The following MTHFD2 variants were observed in gnomAD, a reference collection of about 807,000 sequenced individuals.
MTHFD2 encodes the protein bifunctional methylenetetrahydrofolate dehydrogenase/cyclohydrolase, mitochondrial.
In MTHFD2, 26 loss-of-function variants were observed where a neutral mutation model predicts 36.8. The ratio of observed to expected loss-of-function variants is 0.71; its 90% CI spans 0.52 to 0.98. The LOEUF is 0.98. MTHFD2 is among the 50% of genes least tolerant of loss of function. MTHFD2 has a pLI of 0.00. For synonymous variants in MTHFD2, 164 were observed against 155.2 expected (o/e 1.06, Z -0.42); for missense variants, 373 against 434.0 (o/e 0.86, Z 1.25).
chr2:74,198,678 C>A lies in MTHFD2; in HGVS notation c.37C>A (p.Arg13=), dbSNP rs544541606. 1,015 of 1,611,224 alleles carry A rather than the reference C, an allele frequency of 6.3e-4. 6 individuals carry two copies. The highest frequency in any genetic ancestry group is 2.5e-4 in the Non-Finnish European group (295 of 1,178,952). Residue 13 remains arginine (R), a synonymous_variant, in exon 1 of 8, where the codon CGG becomes AGG. Coordinates refer to ENST00000394053, the MANE Select transcript of MTHFD2 (RefSeq NM_006636.4). ...TTCTCTAATGTCTGCTTTGGCTGCCCGGCTGCTGCAGCCCGCGCACAGCTG... is the reference window on the plus strand; with the variant it reads ...TTCTCTAATGTCTGCTTTGGCTGCCAGGCTGCTGCAGCCCGCGCACAGCTG... ...ATSLMSALAA[R]LLQPAHSCSL...
chr2:74,206,058 C>T (rs1030854505), intron 2 of MTHFD2, 169 bp downstream of exon 2: 14 of 643,210 alleles, frequency 2.2e-5, no homozygotes, highest in African/African-American at 5.5e-5. Flanking sequence ...CTATATCTTT[C>T]GGGGTTTATA....
intron 2 of MTHFD2, 57 bp downstream of exon 2, chr2:74,205,946 G>T (rs748112744): frequency 1.4e-5 from 21 of 1,524,444 alleles, no homozygotes; most frequent in Non-Finnish European, 1.9e-5. Context: ...ATGAGGCAAA[G>T]TCCATTCTAA....
intron 7 of MTHFD2, among the ~76,000 whole-genome samples, chr2:74,212,263 C>CTTTTTTTTT (rs398042480): frequency 8.4e-5 from 3 of 35,696 alleles, no homozygotes; most frequent in African/African-American, 4.1e-4. Flanking sequence ...GTTTCTTTCT[C>CTTTTTTTTT]TTTTTTTTTT....
intron 1 of MTHFD2, among the ~76,000 whole-genome samples, chr2:74,205,027 G>A (rs1344962693): frequency 6.6e-6 from 1 of 152,090 alleles, no homozygotes; most frequent in Non-Finnish European, 1.5e-5. Context: ...GGTTTCATGT[G>A]TTGGCCAGGC....
intron 1 of MTHFD2, 98 bp downstream of exon 1, chr2:74,198,840 C>A: frequency 1.8e-6 from 2 of 1,129,956 alleles, no homozygotes; most frequent in Non-Finnish European, 2.5e-6. Flanking sequence ...GAAGTCCTTC[C>A]CGAACATCTC....
chr2:74,214,409 G>A lies in MTHFD2; in HGVS notation c.*167G>A, dbSNP rs572137065. 8.8e-5 allele frequency: 57 copies of A among 650,184 alleles called. No individual in the cohort carries two copies. The highest frequency in any genetic ancestry group is 8.3e-4 in the African/African-American group (45 of 54,216). 40.3% of individuals were successfully genotyped at this position (650,184 alleles called of 1,614,324 possible). A position where few individuals can be genotyped will look rare whatever the true frequency, so the allele number is the denominator to read the frequency against. ...GGGTGTTTCTGCACATACCTCTGCA[G>A]TACCTCACCAGGGAGCATTCCAGTA... On this transcript the variant is annotated 3_prime_UTR_variant, in exon 8 of 8. Transcript: ENST00000394053.
At position 74,198,721 on chromosome 2, in the gene MTHFD2, C is replaced by T. The variant is rs1339742323; in HGVS notation, c.80C>T (p.Pro27Leu). ...CACAGCTGCTCCCTTCGCCTTCGCC[C>T]TTTCCACCTCGCGGCAGTTCGGTAA... ...PAHSCSLRLR[P>L]FHLAAVRNEA... Residue 27 changes from proline to leucine, a missense_variant, in exon 1 of 8, where the codon CCT becomes CTT. Physicochemically the swap from Pro to Leu is moderately conservative, Grantham distance 98 (BLOSUM62 -3). Around this residue, in one of 2 missense-constraint regions of MTHFD2, gnomAD observed 65 missense variants for 36.1 expected, o/e 1.80. Transcript: ENST00000394053. 6.8e-6 allele frequency: 11 copies of T among 1,610,604 alleles called. No homozygotes were observed. The highest frequency in any genetic ancestry group is 9.3e-6 in the Non-Finnish European group (11 of 1,178,806).
At chr2:74,213,932 CA>C (rs1487247921) in intron 7 of MTHFD2, 146 bp from the exon 8 acceptor site, 23 of 793,674 alleles carry the variant, frequency 2.9e-5, no homozygotes, top group Non-Finnish European at 4.5e-5. Context: ...AGTGTGTTCA[CA>C]AAACCTTGAA....
chr2:74,205,218 G>T (rs1044982641), intron 1 of MTHFD2, among the ~76,000 whole-genome samples: 1 of 152,200 alleles, frequency 6.6e-6, no homozygotes, highest in Non-Finnish European at 1.5e-5. Context: ...TGAAATACAT[G>T]CCTGGCTGCT....
rs1694161913 is a variant in MTHFD2 at position 74,205,762 on chromosome 2, G to A, written c.159G>A (p.Val53=). 3 of 1,613,816 alleles carry A rather than the reference G, an allele frequency of 1.9e-6. No homozygotes were observed. The highest frequency in any genetic ancestry group is 2.5e-6 in the Non-Finnish European group (3 of 1,179,986). The change falls in exon 2 of 8, where the codon GTG becomes GTA. Residue 53 remains valine, a synonymous_variant. Coordinates refer to ENST00000394053, the MANE Select transcript of MTHFD2 (RefSeq NM_006636.4). ...RKLAQQIKQE[V]RQEVEEWVAS... is the part of the protein sequence containing the mutation. ...TGGCCCAGCAGATCAAGCAGGAAGT[G>A]CGGCAGGAGGTAGAAGAGTGGGTGG...
At chr2:74,204,766 C>T (rs780840629) in intron 1 of MTHFD2, among the ~76,000 whole-genome samples, 2 of 152,304 alleles carry the variant, frequency 1.3e-5, no homozygotes, top group Non-Finnish European at 2.9e-5. Context: ...AAGTCTTCCC[C>T]AGAAGGGACT....
chr2:74,210,058 A>G lies in MTHFD2; in HGVS notation c.670+9A>G. ...GCATGAACGTCCCGGAGGTAAGGAA[A>G]TTGCTTTCAGGGAACACTGTCCTTT... On this transcript the variant is annotated intron_variant, in intron 5 of 7. Transcript: ENST00000394053. 2 of 1,608,410 alleles carry G rather than the reference A, an allele frequency of 1.2e-6. No homozygotes were observed. The highest frequency in any genetic ancestry group is 2.7e-5 in the African/African-American group (2 of 74,862).
chr2:74,217,543 T>C lies in MTHFD2; in HGVS notation c.*3301T>C, dbSNP rs1430300719. 6.6e-6 allele frequency: 1 copy of C among 152,220 alleles called. No homozygotes were observed. The highest frequency in any genetic ancestry group is 2.4e-5 in the African/African-American group (1 of 41,464). The allele number at this position is 152,220 out of a possible 1,614,324, so 9.4% of individuals were successfully genotyped here. On this transcript the variant is annotated 3_prime_UTR_variant, in exon 8 of 8. Transcript: ENST00000394053. ...GGAGTTTGACTTTGGGAATAAACAT[T>C]GAAAATTTGCAGGGAGGACCCACCC... is the stretch of plus-strand genomic sequence containing the variant.
chr2:74,201,190 G>A (rs1694035022), intron 1 of MTHFD2, among the ~76,000 whole-genome samples: 1 of 151,914 alleles, frequency 6.6e-6, no homozygotes, highest in South Asian at 2.1e-4. Flanking sequence ...GTTTCACCAT[G>A]TTGGCCAGGC....
rs1304824192 is a variant in MTHFD2 at position 74,215,013 on chromosome 2, A to T, written c.*771A>T. 6.6e-6 allele frequency: 1 copy of T among 152,604 alleles called. No individual in the cohort carries two copies. The highest frequency in any genetic ancestry group is 1.9e-4 in the East Asian group (1 of 5,204). 9.5% of individuals were successfully genotyped at this position (152,604 alleles called of 1,614,324 possible). On this transcript the variant is annotated 3_prime_UTR_variant, in exon 8 of 8. Transcript: ENST00000394053. ...GCTATATACTTTAACTTCATTGTTA[A>T]ATTTTTGTATTGTATAGTTTCTTTG...
chr2:74,210,904 A>AGCC (rs1353657337), intron 5 of MTHFD2, among the ~76,000 whole-genome samples: 1 of 151,288 alleles, frequency 6.6e-6, no homozygotes, highest in Admixed American at 6.6e-5. Flanking sequence ...CTCATGCCTC[A>AGCC]GCCTCCCAAG....
intron 7 of MTHFD2, among the ~76,000 whole-genome samples, chr2:74,213,270 C>CA (rs1694349314): frequency 1.3e-5 from 1 of 76,032 alleles, no homozygotes. Flanking sequence ...TTTTTCTTTC[C>CA]TTTTTTTTTT....
intron 1 of MTHFD2, among the ~76,000 whole-genome samples, chr2:74,199,623 G>A (rs1031431927): frequency 1.3e-5 from 2 of 150,760 alleles, no homozygotes; most frequent in Non-Finnish European, 2.9e-5. Flanking sequence ...CACGAGAATC[G>A]CTTGAGCCCA....
chr2:74,217,049 T>C lies in MTHFD2; in HGVS notation c.*2807T>C, dbSNP rs1427732038. On this transcript the variant is annotated 3_prime_UTR_variant, in exon 8 of 8. Coordinates refer to ENST00000394053, the MANE Select transcript of MTHFD2 (RefSeq NM_006636.4). ...GAGATTAAATGTAATCAAACACTTA[T>C]TGAGAGCTTTCTATGGACCAGGCAC... is the stretch of plus-strand genomic sequence containing the variant. 6.6e-6 allele frequency: 1 copy of C among 152,180 alleles called. No individual in the cohort carries two copies. The highest frequency in any genetic ancestry group is 6.6e-5 in the Admixed American group (1 of 15,256). 9.4% of individuals were successfully genotyped at this position (152,180 alleles called of 1,614,324 possible).
Sources: allele counts gnomAD v4.1 joint callset (sites outside exome capture counted in the v4.1 genomes callset), GRCh38; gene constraint gnomAD v4.1.1; regional missense constraint gnomAD v4.1.1; transcripts MANE v1.5; gene names NCBI Gene and HGNC (gene_info 2026-07-23, HGNC 2026-07-21).